Variants in RBFOX1 observed in about 807,000 individuals in gnomAD.
The protein encoded by RBFOX1 is RNA binding fox-1 homolog 1.
Under a neutral mutation model 57.7 loss-of-function variants are expected in RBFOX1, and 8 were observed. The observed-to-expected ratio is 0.14, with a 90% confidence interval of 0.08 to 0.25. RBFOX1 has a LOEUF of 0.25. Among genes scored for constraint, RBFOX1 ranks in the 10% least tolerant of loss-of-function variants. The pLI is 1.00. For missense variants in RBFOX1, 611 were observed against 548.5 expected, an observed-to-expected ratio of 1.11 and a Z score of -1.14; for synonymous variants, 326 against 222.4, an observed-to-expected ratio of 1.47 and a Z score of -4.15.
At chr16:5,901,707 C>T (rs1234771927) in intron 4 of RBFOX1, among the ~76,000 whole-genome samples, 1 of 152,206 alleles carries the variant, frequency 6.6e-6, no homozygotes, top group African/African-American at 2.4e-5. Flanking sequence ...CATCAGAGAG[C>T]AAGGTTATAG....
intron 14 of RBFOX1, among the ~76,000 whole-genome samples, chr16:7,686,112 C>G (rs942006154): frequency 6.6e-6 from 1 of 151,768 alleles, no homozygotes; most frequent in Admixed American, 6.6e-5. Context: ...CTAAGAGATC[C>G]TGACACTTAG....
At chr16:7,307,539 C>G (rs2096219105) in intron 4 of RBFOX1, among the ~76,000 whole-genome samples, 1 of 152,128 alleles carries the variant, frequency 6.6e-6, no homozygotes, top group African/African-American at 2.4e-5. Flanking sequence ...TTTGTATGTC[C>G]CAATAACTTT....
rs181074012 is a variant in RBFOX1 at position 5,500,656 on chromosome 16, G to C, written c.258+33402G>C. On this transcript the variant is annotated intron_variant, in intron 2 of 2. Coordinates refer to the RBFOX1 transcript ENST00000585867. The stretch of plus-strand genomic sequence containing the variant: ...ACTCTATCCAGACACACCATCCTCA[G>C]CCAGCAGCCTCAGTGTATGGGTCCC... Among the ~76,000 whole-genome samples, 369 of 152,276 alleles carry C rather than the reference G, an allele frequency of 2.4e-3. 2 individuals are homozygous for C. The highest frequency in any genetic ancestry group is 8.6e-3 in the African/African-American group (357 of 41,550).
At chr16:5,817,081 G>T (rs1313201543) in intron 3 of RBFOX1, among the ~76,000 whole-genome samples, 7 of 152,040 alleles carry the variant, frequency 4.6e-5, no homozygotes, top group Admixed American at 4.6e-4. Flanking sequence ...TCCCATTTTG[G>T]GTTCAGCTGA....
At chr16:5,605,162 C>T (rs937145783) in intron 3 of RBFOX1, among the ~76,000 whole-genome samples, 3 of 152,142 alleles carry the variant, frequency 2.0e-5, no homozygotes, top group East Asian at 1.9e-4. Context: ...CCCTGTTTTA[C>T]CCTCCAAGGT....
Position 7,071,882 on chromosome 16 carries a change from A to C in RBFOX1, c.27+19784A>C, listed in dbSNP as rs566313909. On this transcript the variant is annotated intron_variant, in intron 4 of 15. Transcript: ENST00000550418. ...GTCTTTTTACAACAGCTCCTAATTC[A>C]GTTGTTGAGACCAGAAGCTCAGCTG... Among the ~76,000 whole-genome samples the C allele has an allele frequency of 5.9e-5, 9 of 152,124 alleles. No individual in the cohort carries two copies. In the East Asian group the frequency reaches 1.7e-3, roughly 29 times the overall value.
At chr16:5,265,037 A>C (rs950860971) in intron 1 of RBFOX1, among the ~76,000 whole-genome samples, 1 of 152,182 alleles carries the variant, frequency 6.6e-6, no homozygotes, top group Non-Finnish European at 1.5e-5. Flanking sequence ...TGGTAGTTTA[A>C]AAAAGTTCCT....
chr16:6,925,188 C>CA (rs1295895514), intron 3 of RBFOX1, among the ~76,000 whole-genome samples: 1 of 112,640 alleles, frequency 8.9e-6, no homozygotes, highest in Non-Finnish European at 1.6e-5. Context: ...GACTGGAGTG[C>CA]AGTGGTATGA....
intron 4 of RBFOX1, among the ~76,000 whole-genome samples, chr16:7,352,633 G>C (rs2097148691): frequency 6.6e-6 from 1 of 152,136 alleles, no homozygotes; most frequent in Non-Finnish European, 1.5e-5. Flanking sequence ...TGTAGTTCTA[G>C]AAAGAATCCT....
chr16:6,806,281 A>G (rs760486310), intron 3 of RBFOX1, among the ~76,000 whole-genome samples: 3 of 152,210 alleles, frequency 2.0e-5, no homozygotes, highest in Non-Finnish European at 4.4e-5. Flanking sequence ...CCTGAAAGTC[A>G]TTATAAAGCT....
At chr16:7,697,621 A>G (rs1173261678) in intron 14 of RBFOX1, among the ~76,000 whole-genome samples, 1 of 152,130 alleles carries the variant, frequency 6.6e-6, no homozygotes, top group East Asian at 1.9e-4. Context: ...TTGGAAAGTG[A>G]AAAAAACATA....
At chr16:7,636,836 A>T (rs2061840043) in intron 11 of RBFOX1, among the ~76,000 whole-genome samples, 1 of 121,428 alleles carries the variant, frequency 8.2e-6, no homozygotes, top group Middle Eastern at 4.3e-3. Flanking sequence ...AGACAGAGAC[A>T]GAGAGAAACA....
At chr16:6,581,252 G>T (rs2097533426) in intron 2 of RBFOX1, among the ~76,000 whole-genome samples, 1 of 152,062 alleles carries the variant, frequency 6.6e-6, no homozygotes, top group Non-Finnish European at 1.5e-5. Flanking sequence ...TGCAAAGTCT[G>T]GCCACTTTAG....
intron 4 of RBFOX1, among the ~76,000 whole-genome samples, chr16:5,931,432 G>A (rs1379339665): frequency 6.6e-6 from 1 of 152,190 alleles, no homozygotes; most frequent in African/African-American, 2.4e-5. Context: ...TGGGAGAAAA[G>A]TTTGACAGGA....
intron 1 of RBFOX1, among the ~76,000 whole-genome samples, chr16:5,441,237 C>G (rs944603994): frequency 1.1e-4 from 17 of 152,084 alleles, no homozygotes; most frequent in African/African-American, 4.1e-4. Context: ...TACTCATTAA[C>G]TCCTTCTTTC....
intron 2 of RBFOX1, among the ~76,000 whole-genome samples, chr16:6,649,654 T>A (rs1350457479): frequency 6.6e-6 from 1 of 152,214 alleles, no homozygotes; most frequent in Non-Finnish European, 1.5e-5. Context: ...CTTAGAATAA[T>A]GGTCTCCAGT....
At chr16:7,345,689 G>C (rs1430398450) in intron 4 of RBFOX1, among the ~76,000 whole-genome samples, 10 of 152,122 alleles carry the variant, frequency 6.6e-5, no homozygotes, top group Non-Finnish European at 4.4e-5. Flanking sequence ...GAGCCGTCTG[G>C]GGATGGATAA....
chr16:7,391,793 T>G (rs1302231319), intron 4 of RBFOX1, among the ~76,000 whole-genome samples: 1 of 151,950 alleles, frequency 6.6e-6, no homozygotes, highest in Non-Finnish European at 1.5e-5. Flanking sequence ...AAAGGAAGAG[T>G]GAGTCGGTGG....
intron 3 of RBFOX1, among the ~76,000 whole-genome samples, chr16:5,691,829 C>A (rs945345128): frequency 2.0e-5 from 3 of 152,146 alleles, no homozygotes; most frequent in Admixed American, 6.5e-5. Flanking sequence ...TTGTCTGAGA[C>A]TGTCCCACAA....
Sources: allele counts gnomAD v4.1 joint callset (sites outside exome capture counted in the v4.1 genomes callset), GRCh38; gene constraint gnomAD v4.1.1; transcripts MANE v1.5; gene names NCBI Gene and HGNC (gene_info 2026-07-23, HGNC 2026-07-21).